Variants in NRG3 observed in about 807,000 individuals in gnomAD.
The protein encoded by NRG3 is pro-neuregulin-3, membrane-bound isoform.
NRG3 carries 31 observed loss-of-function variants against 66.9 expected under a neutral mutation model. The ratio of observed to expected loss-of-function variants is 0.46; its 90% confidence interval spans 0.35 to 0.63. The LOEUF (loss-of-function observed/expected upper bound fraction) is 0.63, where lower values mean the gene tolerates loss of function less well. Among genes scored for constraint, NRG3 ranks in the 20% least tolerant of loss-of-function variants. The probability of loss-of-function intolerance (pLI) is 0.00; values close to 1 mark genes in which losing one functional copy is unlikely to be tolerated. For missense variants in NRG3, 910 were observed against 878.9 expected (o/e 1.04, Z -0.45); for synonymous variants, 393 against 359.4 (o/e 1.09, Z -1.06).
At chr10:81,952,881 C>T (rs564295320) in intron 1 of NRG3, among the ~76,000 whole-genome samples, 12 of 152,206 alleles carry the variant, frequency 7.9e-5, no homozygotes, top group Non-Finnish European at 1.2e-4. Flanking sequence ...AGGCATGATG[C>T]ACCACGCTTG....
At chr10:82,465,616 G>T (rs1424942601) in intron 2 of NRG3, among the ~76,000 whole-genome samples, 1 of 152,142 alleles carries the variant, frequency 6.6e-6, no homozygotes, top group Non-Finnish European at 1.5e-5. Context: ...GCAGTTAAAT[G>T]GTTCTGGGAA....
intron 1 of NRG3, among the ~76,000 whole-genome samples, chr10:82,267,624 T>C (rs1238210657): frequency 1.3e-5 from 2 of 152,196 alleles, no homozygotes; most frequent in African/African-American, 2.4e-5. Context: ...ATGACTATTA[T>C]TGGTGCTTGT....
At chr10:82,453,906 T>G (rs2136620368) in intron 2 of NRG3, among the ~76,000 whole-genome samples, 1 of 152,258 alleles carries the variant, frequency 6.6e-6, no homozygotes, top group South Asian at 2.1e-4. Flanking sequence ...CATGTGTCAT[T>G]TTTACATGTC....
In NRG3 at chr10:82,689,275, A is replaced by G. The variant is rs150492511; in HGVS notation, c.954-49302A>G. The stretch of plus-strand genomic sequence containing the variant: ...TACCTGAGAGAGAACTATACAGTGA[A>G]TGCTGATGTACTGATTATGAAATGT... On this transcript the variant is annotated intron_variant, in intron 2 of 8. Transcript: ENST00000372141. 2.0e-4 allele frequency among the ~76,000 whole-genome samples: 31 copies of G among 152,276 alleles called. 1 individual carries two copies. In the East Asian group the frequency reaches 5.8e-3, roughly 28 times the overall value.
At chr10:82,400,837 A>G (rs2087045119) in intron 2 of NRG3, among the ~76,000 whole-genome samples, 1 of 152,106 alleles carries the variant, frequency 6.6e-6, no homozygotes, top group Admixed American at 6.6e-5. Flanking sequence ...AGGCTGCCAA[A>G]GTACTGGAAT....
chr10:82,198,721 G>A (rs1285252543), intron 1 of NRG3, among the ~76,000 whole-genome samples: 1 of 152,064 alleles, frequency 6.6e-6, no homozygotes, highest in Admixed American at 6.6e-5. Flanking sequence ...TTAAGGGGCC[G>A]GGCACGGTGG....
intron 1 of NRG3, among the ~76,000 whole-genome samples, chr10:81,915,505 T>TTTTTTTTTTTTTTTTCC: frequency 6.6e-6 from 1 of 151,490 alleles, no homozygotes; most frequent in African/African-American, 2.4e-5. Context: ...AGTTTTTTTT[T>TTTTTTTTTTTTTTTTCC]TTTTTGCCAA....
chr10:82,701,103 AATAT>A (rs1430718373), intron 2 of NRG3, among the ~76,000 whole-genome samples: 1 of 151,978 alleles, frequency 6.6e-6, no homozygotes, highest in Non-Finnish European at 1.5e-5. Context: ...ATACAAAACA[AATAT>A]CAGTTATAAC....
chr10:82,850,489 CATCT>C (rs150298924), intron 3 of NRG3, among the ~76,000 whole-genome samples: 8,115 of 152,194 alleles, frequency 0.053, 284 homozygotes, highest in African/African-American at 0.1. Context: ...ATTCACCATC[CATCT>C]GTCAACCTGA....
intron 1 of NRG3, among the ~76,000 whole-genome samples, chr10:82,204,388 C>T (rs1209742256): frequency 6.6e-6 from 1 of 152,196 alleles, no homozygotes; most frequent in Non-Finnish European, 1.5e-5. Context: ...CTGATTAGCT[C>T]TCATCAGTGG....
rs1554839695 is a variant in NRG3, at chr10:82,170,654, G to GTGTATATATATATATATATATATA, written c.824-188084_824-188083insGTATATATATATATATATATATAT. Among the ~76,000 whole-genome samples, 9 of 74,220 alleles carry GTGTATATATATATATATATATATA rather than the reference G, an allele frequency of 1.2e-4. 1 individual carries two copies. Among genetic ancestry groups the GTGTATATATATATATATATATATA allele is most frequent in the Non-Finnish European group, 2.8e-4 (9 of 32,642 alleles). The allele number at this position is 74,220 out of a possible 152,430, so 48.7% of individuals were successfully genotyped here. ...TGAGATGATGTTTATAAAACTTGTG[G>GTGTATATATATATATATATATATA]TATATATATATATATATATATATAT... On this transcript the variant is annotated intron_variant, in intron 1 of 8. Coordinates refer to ENST00000372141, the MANE Select transcript of NRG3 (RefSeq NM_001010848.4).
At chr10:81,966,771 T>C (rs1438777777) in intron 1 of NRG3, among the ~76,000 whole-genome samples, 1 of 152,214 alleles carries the variant, frequency 6.6e-6, no homozygotes, top group African/African-American at 2.4e-5. Context: ...TAATTCTCTT[T>C]GACCCAGTTT....
At chr10:82,043,493 A>C (rs1480443065) in intron 1 of NRG3, among the ~76,000 whole-genome samples, 1 of 152,032 alleles carries the variant, frequency 6.6e-6, no homozygotes, top group African/African-American at 2.4e-5. Flanking sequence ...TTTAAGTTAG[A>C]AGAGTAGAAT....
intron 4 of NRG3, among the ~76,000 whole-genome samples, chr10:82,945,831 T>A (rs1411163060): frequency 2.0e-5 from 3 of 152,056 alleles, no homozygotes; most frequent in South Asian, 2.1e-4. Context: ...CCATAGCAGC[T>A]CCAAATGGAG....
chr10:81,997,853 C>A (rs562362858), intron 1 of NRG3, among the ~76,000 whole-genome samples: 1 of 145,308 alleles, frequency 6.9e-6, no homozygotes, highest in East Asian at 2.2e-4. Context: ...CCCCACCCCC[C>A]ACCAAAGGCC....
chr10:82,208,894 T>A (rs1187795032), intron 1 of NRG3, among the ~76,000 whole-genome samples: 1 of 152,060 alleles, frequency 6.6e-6, no homozygotes, highest in Non-Finnish European at 1.5e-5. Flanking sequence ...CACACAGTAA[T>A]CTCTGAAGAA....
chr10:82,297,942 G>A (rs1404466502), intron 1 of NRG3, among the ~76,000 whole-genome samples: 1 of 152,042 alleles, frequency 6.6e-6, no homozygotes, highest in Admixed American at 6.6e-5. Flanking sequence ...AGGAGCTTGA[G>A]ATGAACCTGG....
chr10:82,770,022 C>T (rs1169431850), intron 3 of NRG3, among the ~76,000 whole-genome samples: 2 of 152,014 alleles, frequency 1.3e-5, no homozygotes, highest in Non-Finnish European at 2.9e-5. Context: ...ATATTCTGTA[C>T]TTAGTGTGGG....
chr10:82,965,807 C>A (rs1851156490), intron 6 of NRG3, among the ~76,000 whole-genome samples: 1 of 152,006 alleles, frequency 6.6e-6, no homozygotes, highest in Non-Finnish European at 1.5e-5. Flanking sequence ...GTCAGTCAGG[C>A]TAACTTTCCA....
Sources: allele counts gnomAD v4.1 joint callset (sites outside exome capture counted in the v4.1 genomes callset), GRCh38; gene constraint gnomAD v4.1.1; transcripts MANE v1.5; gene names NCBI Gene and HGNC (gene_info 2026-07-23, HGNC 2026-07-21).